The following MYO6 variants were observed in gnomAD, a reference collection of about 807,000 sequenced individuals.
MYO6 encodes unconventional myosin-VI.
Under a neutral mutation model 178.7 loss-of-function variants are expected in MYO6, and 74 were observed. The observed-to-expected ratio is 0.41, with a 90% CI of 0.34 to 0.50. The LOEUF (loss-of-function observed/expected upper bound fraction) is 0.50, where lower values mean the gene tolerates loss of function less well. Ranked by LOEUF, MYO6 falls within the 20% of genes least tolerant of loss-of-function variation. The probability of loss-of-function intolerance (pLI) is 0.09; values close to 1 mark genes in which losing one functional copy is unlikely to be tolerated. For missense variants in MYO6, 1,330 were observed against 1,547.4 expected (o/e 0.86, Z 2.36); for synonymous variants, 477 against 504.6 (o/e 0.95, Z 0.73).
intron 1 of MYO6, among the ~76,000 whole-genome samples, chr6:75,785,371 A>G (rs892862630): frequency 9.9e-5 from 15 of 152,124 alleles, no homozygotes; most frequent in African/African-American, 2.9e-4. Flanking sequence ...AATTAAGAAC[A>G]CAAGTTCTTA....
chr6:75,892,638 AGT>A lies in MYO6; in HGVS notation c.3057_3058del (p.Ser1019ArgfsTer7). 6.2e-7 allele frequency: 1 copy of A among 1,612,984 alleles called. No homozygotes were observed. The highest frequency in any genetic ancestry group is 8.5e-7 in the Non-Finnish European group (1 of 1,180,008). ...DRELALRIAQ[S>X]EAELISDEAQ... is the part of the protein sequence containing the mutation. ...GGAGCTGGCCCTGAGGATTGCCCAGAGTGAAGCCGAGCTCATCAGTGATGAGG... is the reference window on the plus strand; with the variant it reads ...GGAGCTGGCCCTGAGGATTGCCCAGAGAAGCCGAGCTCATCAGTGATGAGG... On this transcript the variant is annotated frameshift_variant, in exon 28 of 35. Transcript: ENST00000369977. LOFTEE classifies it high-confidence loss of function.
At chr6:75,832,786 T>C (rs1351972130) in intron 5 of MYO6, 56 bp from the exon 6 acceptor site, 2 of 1,059,960 alleles carry the variant, frequency 1.9e-6, no homozygotes, top group East Asian at 5.0e-5. Context: ...GAACTTTCTA[T>C]TATTAACTTT....
intron 1 of MYO6, among the ~76,000 whole-genome samples, chr6:75,753,439 A>ATGTGTG (rs1246409309): frequency 7.3e-5 from 10 of 137,390 alleles, no homozygotes; most frequent in African/African-American, 2.8e-4. Context: ...TATGATCTAT[A>ATGTGTG]TATGTGTGTG....
chr6:75,769,605 G>A (rs1583018018), intron 1 of MYO6, among the ~76,000 whole-genome samples: 2 of 152,310 alleles, frequency 1.3e-5, no homozygotes, highest in East Asian at 3.9e-4. Flanking sequence ...CTGCTCTCAA[G>A]AATAGAATTG....
intron 30 of MYO6, among the ~76,000 whole-genome samples, chr6:75,899,420 C>G (rs1266613733): frequency 2.6e-5 from 4 of 151,954 alleles, no homozygotes; most frequent in Non-Finnish European, 5.9e-5. Context: ...ACTCCCAGAA[C>G]AGCTTAAAAA....
intron 11 of MYO6, among the ~76,000 whole-genome samples, chr6:75,849,266 A>G (rs1053248781): frequency 5.9e-5 from 9 of 152,204 alleles, no homozygotes; most frequent in Non-Finnish European, 1.0e-4. Context: ...AACAGAGGCT[A>G]TATGTCCTGC....
intron 23 of MYO6, among the ~76,000 whole-genome samples, chr6:75,882,651 G>A (rs539837903): frequency 1.3e-5 from 2 of 152,054 alleles, no homozygotes; most frequent in African/African-American, 2.4e-5. Flanking sequence ...TTAAAAAGGG[G>A]ATTTGAGAAA....
intron 1 of MYO6, among the ~76,000 whole-genome samples, chr6:75,771,115 G>A (rs1765850123): frequency 6.6e-6 from 1 of 150,906 alleles, no homozygotes; most frequent in African/African-American, 2.4e-5. Flanking sequence ...TGATCCTCCC[G>A]CCTCAGCCCC....
intron 11 of MYO6, among the ~76,000 whole-genome samples, chr6:75,848,910 G>A (rs1335743637): frequency 1.3e-5 from 2 of 151,988 alleles, no homozygotes; most frequent in South Asian, 2.1e-4. Context: ...CAGGATCATT[G>A]GGTGAATTAA....
chr6:75,827,362 C>T (rs1772587228), intron 3 of MYO6, among the ~76,000 whole-genome samples: 1 of 152,004 alleles, frequency 6.6e-6, no homozygotes, highest in Non-Finnish European at 1.5e-5. Flanking sequence ...TGAATGATAC[C>T]TGCATCTAAT....
At chr6:75,787,718 CTCTCTCTCTCTCTA>C (rs1377945721) in intron 1 of MYO6, among the ~76,000 whole-genome samples, 426 of 41,698 alleles carry the variant, frequency 0.01, no homozygotes, top group Non-Finnish European at 0.015. Context: ...CTCTCTCTCT[CTCTCTCTCTCTCTA>C]TATATATATA....
intron 28 of MYO6, among the ~76,000 whole-genome samples, chr6:75,893,161 A>G (rs1346808627): frequency 6.6e-6 from 1 of 152,198 alleles, no homozygotes; most frequent in Non-Finnish European, 1.5e-5. Flanking sequence ...GCAATGCCTC[A>G]GAATAAATGA....
chr6:75,899,466 A>G (rs532959450), intron 30 of MYO6, among the ~76,000 whole-genome samples: 1 of 152,146 alleles, frequency 6.6e-6, no homozygotes, highest in Non-Finnish European at 1.5e-5. Flanking sequence ...TTGGTAGTTT[A>G]GGGATGTAGA....
chr6:75,840,437 A>G, intron 7 of MYO6, 148 bp from the exon 8 acceptor site: 1 of 652,290 alleles, frequency 1.5e-6, no homozygotes, highest in South Asian at 1.6e-5. Context: ...CTGGGATTAC[A>G]GGCATGAGCC....
intron 30 of MYO6, among the ~76,000 whole-genome samples, chr6:75,904,745 G>A (rs565315527): frequency 2.0e-4 from 31 of 152,302 alleles, no homozygotes; most frequent in East Asian, 5.8e-4. Flanking sequence ...GTCATTCTCC[G>A]TCCAGCTTTG....
intron 1 of MYO6, among the ~76,000 whole-genome samples, chr6:75,792,942 C>T (rs544342752): frequency 3.2e-4 from 48 of 151,336 alleles, no homozygotes; most frequent in African/African-American, 1.1e-3. Context: ...CACCACCATA[C>T]CCAGCTAAAT....
At position 75,862,582 on chromosome 6, in the gene MYO6, A is replaced by T. The variant is rs1259215195; in HGVS notation, c.1547-14A>T. 5 of 1,607,794 alleles carry T rather than the reference A, an allele frequency of 3.1e-6. No individual in the cohort carries two copies. In the African/African-American group the frequency reaches 5.3e-5, roughly 17 times the overall value. On this transcript the variant is annotated splice_polypyrimidine_tract_variant and intron_variant, in intron 15 of 34. Transcript: ENST00000369977. ...TTTTTACACTATTGTGAGTGTTTTC[A>T]TTTTTTGAAATAGATTTAATTGAAG...
chr6:75,869,532 A>G (rs1279030714), intron 18 of MYO6, among the ~76,000 whole-genome samples: 1 of 152,208 alleles, frequency 6.6e-6, no homozygotes, highest in Non-Finnish European at 1.5e-5. Context: ...AACTATACTT[A>G]CTAATTATAG....
intron 16 of MYO6, among the ~76,000 whole-genome samples, chr6:75,866,248 T>A (rs1273848013): frequency 1.3e-5 from 2 of 148,792 alleles, no homozygotes; most frequent in African/African-American, 5.0e-5. Context: ...TTTTTGGGTC[T>A]CTTTCTCTCC....
Sources: gnomAD v4.1 joint callset for allele counts (sites outside exome capture counted in the v4.1 genomes callset) on GRCh38, gnomAD v4.1.1 for gene constraint, MANE v1.5 for transcripts, NCBI Gene and HGNC (gene_info 2026-07-23, HGNC 2026-07-21) for gene names.